AKAP13: variants seen among roughly 807,000 people sequenced by gnomAD.
AKAP13 encodes A-kinase anchoring protein 13, also known as A-kinase anchor protein 13.
A neutral mutation model predicts 264.5 loss-of-function variants in AKAP13; 80 were observed. The ratio of observed to expected loss-of-function variants is 0.30; its 90% CI spans 0.25 to 0.36. The LOEUF (loss-of-function observed/expected upper bound fraction) is 0.36, where lower values mean the gene tolerates loss of function less well. AKAP13 is among the 10% of genes least tolerant of loss of function. AKAP13 has a pLI of 1.00. For synonymous variants in AKAP13, 1,380 were observed against 1,250.2 expected (o/e 1.10, Z -2.19); for missense variants, 3,712 against 3,435.2 (o/e 1.08, Z -2.01).
chr15:85,719,135 A>T lies in AKAP13; in HGVS notation c.6061A>T (p.Ser2021Cys), dbSNP rs1304715571. The T allele has an allele frequency of 2.5e-6, 4 of 1,614,070 alleles. No individual in the cohort carries two copies. Among genetic ancestry groups the T allele is most frequent in the Non-Finnish European group, 3.4e-6 (4 of 1,180,044 alleles). Residue 2021 changes from serine to cysteine, a missense_variant, in exon 23 of 37, where the codon AGC becomes TGC. Physicochemically the swap from Ser to Cys is moderately radical, Grantham distance 112. Transcript: ENST00000394518. ...RTLKIMSGVY[S>C]QGMMADLLFE... ...TCTCAAGATCATGAGTGGTGTGTAC[A>T]GCCAGGGGATGATGGCGGATCTGCT...
chr15:85,505,209 G>C (rs1176430946), intron 2 of AKAP13, among the ~76,000 whole-genome samples: 3 of 152,194 alleles, frequency 2.0e-5, no homozygotes, highest in Admixed American at 1.3e-4. Flanking sequence ...ATCCCTGTTA[G>C]AACAATCTCT....
intron 1 of AKAP13, among the ~76,000 whole-genome samples, chr15:85,461,045 A>G (rs2074491061): frequency 1.3e-5 from 2 of 152,078 alleles, no homozygotes; most frequent in African/African-American, 4.8e-5. Context: ...CTGTCTTATC[A>G]AGTTATATAG....
intron 1 of AKAP13, among the ~76,000 whole-genome samples, chr15:85,395,953 A>G (rs1392848154): frequency 6.6e-6 from 1 of 152,128 alleles, no homozygotes; most frequent in Non-Finnish European, 1.5e-5. Context: ...ACAATGGCAC[A>G]TAATAGTTGC....
chr15:85,490,667 A>T (rs1190510311), intron 2 of AKAP13, among the ~76,000 whole-genome samples: 1 of 152,132 alleles, frequency 6.6e-6, no homozygotes. Context: ...ATACATCAGG[A>T]TTGGAAGTAA....
intron 1 of AKAP13, among the ~76,000 whole-genome samples, chr15:85,458,224 A>G (rs1450102323): frequency 6.6e-6 from 1 of 151,926 alleles, no homozygotes; most frequent in East Asian, 1.9e-4. Context: ...TTAGTAATAC[A>G]TGTTTGTTAC....
At chr15:85,502,963 A>G (rs2076076116) in intron 2 of AKAP13, among the ~76,000 whole-genome samples, 1 of 152,236 alleles carries the variant, frequency 6.6e-6, no homozygotes, top group African/African-American at 2.4e-5. Context: ...AGTGTGTTTT[A>G]CTAGAAGAGA....
chr15:85,634,656 G>C (rs959584050), intron 8 of AKAP13, among the ~76,000 whole-genome samples: 1 of 152,092 alleles, frequency 6.6e-6, no homozygotes, highest in African/African-American at 2.4e-5. Flanking sequence ...TATTTAAATT[G>C]TGTAATCACT....
At chr15:85,481,535 TTTG>T (rs2075352315) in intron 1 of AKAP13, among the ~76,000 whole-genome samples, 1 of 152,220 alleles carries the variant, frequency 6.6e-6, no homozygotes, top group South Asian at 2.1e-4. Flanking sequence ...AACTATTAAA[TTTG>T]TTTTTTCTCA....
chr15:85,725,506 C>T (rs2087565294), intron 26 of AKAP13, among the ~76,000 whole-genome samples: 1 of 152,104 alleles, frequency 6.6e-6, no homozygotes, highest in South Asian at 2.1e-4. Context: ...ATTAGACCTC[C>T]CTAGGAATCA....
chr15:85,634,964 A>G (rs2082011151), intron 8 of AKAP13: 1 of 395,552 alleles, frequency 2.5e-6, no homozygotes, highest in Non-Finnish European at 4.5e-6. Flanking sequence ...TTGCTTATCC[A>G]TTTACCATTT....
chr15:85,384,853 G>A (rs1428953619), intron 1 of AKAP13, among the ~76,000 whole-genome samples: 1 of 152,144 alleles, frequency 6.6e-6, no homozygotes, highest in Non-Finnish European at 1.5e-5. Context: ...ATGAATAGAA[G>A]ATGAATGGAT....
At chr15:85,502,354 T>C (rs1567091014) in intron 2 of AKAP13, among the ~76,000 whole-genome samples, 1 of 152,246 alleles carries the variant, frequency 6.6e-6, no homozygotes, top group Non-Finnish European at 1.5e-5. Context: ...AATTATTGAA[T>C]ACTTACTAAA....
At chr15:85,710,268 G>A (rs889306182) in intron 18 of AKAP13, among the ~76,000 whole-genome samples, 3 of 152,198 alleles carry the variant, frequency 2.0e-5, no homozygotes, top group African/African-American at 7.2e-5. Context: ...TGCCTTGGGT[G>A]AGGAGAGGAG....
chr15:85,668,072 G>C (rs1453178707), intron 13 of AKAP13, among the ~76,000 whole-genome samples: 1 of 152,124 alleles, frequency 6.6e-6, no homozygotes, highest in African/African-American at 2.4e-5. Context: ...TGAGCTGCTT[G>C]TTTCACTCTG....
intron 1 of AKAP13, among the ~76,000 whole-genome samples, chr15:85,444,737 C>T (rs1433890617): frequency 1.3e-5 from 2 of 152,184 alleles, no homozygotes; most frequent in African/African-American, 4.8e-5. Context: ...TTAGTGAAGT[C>T]AACACCAGGA....
intron 1 of AKAP13, among the ~76,000 whole-genome samples, chr15:85,416,473 A>G (rs914122176): frequency 3.3e-5 from 5 of 152,184 alleles, no homozygotes; most frequent in African/African-American, 1.2e-4. Flanking sequence ...GTCATATTTT[A>G]TACCTCTACG....
intron 1 of AKAP13, among the ~76,000 whole-genome samples, chr15:85,482,072 A>G (rs1487078874): frequency 6.6e-6 from 1 of 152,180 alleles, no homozygotes; most frequent in Non-Finnish European, 1.5e-5. Flanking sequence ...TCCCTTTAGA[A>G]CTCAGTTCTT....
At chr15:85,735,824 A>G (rs1025487096) in intron 32 of AKAP13, among the ~76,000 whole-genome samples, 194 bp downstream of exon 32, 2 of 152,190 alleles carry the variant, frequency 1.3e-5, no homozygotes, top group African/African-American at 4.8e-5. Context: ...GTTTGGCCTC[A>G]CTGGCTTAGG....
At chr15:85,400,871 TATA>T (rs550143682) in intron 1 of AKAP13, among the ~76,000 whole-genome samples, 3,028 of 58,796 alleles carry the variant, frequency 0.052, 52 homozygotes, top group Non-Finnish European at 0.077. Context: ...TATATATATA[TATA>T]TTTTTTTTTT....
Sources: gnomAD v4.1 joint callset for allele counts (sites outside exome capture counted in the v4.1 genomes callset) on GRCh38, gnomAD v4.1.1 for gene constraint, MANE v1.5 for transcripts, NCBI Gene and HGNC (gene_info 2026-07-23, HGNC 2026-07-21) for gene names.